Variants in LUZP2 observed in about 807,000 individuals in gnomAD.
LUZP2 encodes the protein leucine zipper protein 2.
Under a neutral mutation model 51.6 loss-of-function variants are expected in LUZP2, and 52 were observed. That is an observed-to-expected ratio of 1.01 (90% CI 0.81 to 1.27). LUZP2 has a LOEUF of 1.27. LUZP2 is among the 50% of genes most tolerant of loss of function. The probability of loss-of-function intolerance (pLI) is 0.00; values close to 1 mark genes in which losing one functional copy is unlikely to be tolerated. For missense variants in LUZP2, 436 were observed against 395.4 expected (o/e 1.10, Z -0.87); for synonymous variants, 154 against 137.3 (o/e 1.12, Z -0.85).
chr11:24,798,588 A>C (rs1400928976), intron 5 of LUZP2, among the ~76,000 whole-genome samples: 1 of 152,148 alleles, frequency 6.6e-6, no homozygotes, highest in Non-Finnish European at 1.5e-5. Context: ...TGCAATACCA[A>C]ATCAGAGCAC....
chr11:25,046,610 A>G (rs1198211931), intron 9 of LUZP2, among the ~76,000 whole-genome samples: 1 of 152,120 alleles, frequency 6.6e-6, no homozygotes, highest in Non-Finnish European at 1.5e-5. Flanking sequence ...AACACACACT[A>G]TCTTCCTTTA....
intron 5 of LUZP2, among the ~76,000 whole-genome samples, chr11:24,864,364 T>C (rs1851825242): frequency 6.6e-6 from 1 of 152,314 alleles, no homozygotes; most frequent in African/African-American, 2.4e-5. Flanking sequence ...GGATTTTTTG[T>C]GCCTTTATAA....
At chr11:24,803,318 G>A (rs575698678) in intron 5 of LUZP2, among the ~76,000 whole-genome samples, 161 of 151,970 alleles carry the variant, frequency 1.1e-3, no homozygotes, top group African/African-American at 3.3e-3. Flanking sequence ...TACTTCATAC[G>A]TCTTAGCCAT....
intron 1 of LUZP2, among the ~76,000 whole-genome samples, chr11:24,617,778 A>T (rs1425587649): frequency 1.3e-5 from 2 of 152,044 alleles, no homozygotes; most frequent in Non-Finnish European, 2.9e-5. Context: ...GTGAGCAGAG[A>T]TTGCACCACT....
chr11:24,835,618 G>A (rs1401394003), intron 5 of LUZP2, among the ~76,000 whole-genome samples: 2 of 152,150 alleles, frequency 1.3e-5, no homozygotes, highest in African/African-American at 2.4e-5. Flanking sequence ...GGATTAGAGA[G>A]GAAAAATGGC....
chr11:24,691,476 G>GTTT (rs5790429), intron 1 of LUZP2, among the ~76,000 whole-genome samples: 2 of 136,568 alleles, frequency 1.5e-5, no homozygotes, highest in African/African-American at 2.7e-5. Flanking sequence ...CTCATATTCT[G>GTTT]TTTTTTTTTT....
intron 1 of LUZP2, among the ~76,000 whole-genome samples, chr11:24,581,189 T>A (rs1852839513): frequency 1.4e-5 from 2 of 140,524 alleles, no homozygotes; most frequent in Admixed American, 7.2e-5. Context: ...GTATACCCTT[T>A]CACTGGCCAA....
At chr11:24,524,268 G>A (rs1850727609) in intron 1 of LUZP2, among the ~76,000 whole-genome samples, 2 of 151,684 alleles carry the variant, frequency 1.3e-5, no homozygotes, top group African/African-American at 4.8e-5. Flanking sequence ...TCAACTGCTA[G>A]TCTCTTGCAC....
intron 1 of LUZP2, among the ~76,000 whole-genome samples, chr11:24,533,218 T>A (rs1851067666): frequency 6.6e-6 from 1 of 151,320 alleles, no homozygotes; most frequent in African/African-American, 2.4e-5. Flanking sequence ...CTTTGCCAGG[T>A]TGTTAATTGT....
intron 1 of LUZP2, among the ~76,000 whole-genome samples, chr11:24,698,826 C>T (rs2133904214): frequency 1.3e-5 from 2 of 152,128 alleles, no homozygotes; most frequent in East Asian, 3.9e-4. Flanking sequence ...AAGGCTGAGG[C>T]AGGTGAATTA....
chr11:24,574,769 C>G (rs1486852700), intron 1 of LUZP2, among the ~76,000 whole-genome samples: 1 of 152,054 alleles, frequency 6.6e-6, no homozygotes, highest in Non-Finnish European at 1.5e-5. Context: ...TTTTGTCTTT[C>G]TTGATCACTG....
chr11:24,857,444 G>C (rs1590647995), intron 5 of LUZP2, among the ~76,000 whole-genome samples: 1 of 151,154 alleles, frequency 6.6e-6, no homozygotes, highest in South Asian at 2.1e-4. Flanking sequence ...ACATTAATTT[G>C]CTATTTAATT....
rs113356779 is a variant in LUZP2, at chr11:24,623,636, G to T, written c.63-105533G>T. On this transcript the variant is annotated intron_variant, in intron 1 of 11. Transcript: ENST00000336930. ...CAAGGCAGGCAGATTACCTAAAGTC[G>T]GGAGTTGGAGACCAGCCTGGCCAAC... is the stretch of plus-strand genomic sequence containing the variant. Among the ~76,000 whole-genome samples the T allele has an allele frequency of 8.6e-5, 13 of 152,012 alleles. No homozygotes were observed. In the South Asian group the frequency reaches 2.7e-3, roughly 32 times the overall value.
intron 5 of LUZP2, among the ~76,000 whole-genome samples, chr11:24,797,411 G>A (rs1849577506): frequency 6.6e-6 from 1 of 152,104 alleles, no homozygotes; most frequent in Admixed American, 6.6e-5. Flanking sequence ...GTATGAATTT[G>A]CTTTTATGTC....
At chr11:24,933,292 A>G (rs1222478339) in intron 7 of LUZP2, among the ~76,000 whole-genome samples, 1 of 152,082 alleles carries the variant, frequency 6.6e-6, no homozygotes, top group South Asian at 2.1e-4. Context: ...GAGTCTCCAT[A>G]TGTAGCTCTG....
At chr11:24,707,419 A>C (rs1168854108) in intron 1 of LUZP2, among the ~76,000 whole-genome samples, 1 of 152,108 alleles carries the variant, frequency 6.6e-6, no homozygotes. Flanking sequence ...AAAGCTTAAC[A>C]GTTGTCAAAT....
chr11:24,794,773 T>G (rs2134102418), intron 5 of LUZP2, among the ~76,000 whole-genome samples: 1 of 152,196 alleles, frequency 6.6e-6, no homozygotes, highest in South Asian at 2.1e-4. Context: ...AAGACTGAAA[T>G]GAAGTGTGGT....
At chr11:24,768,315 G>A (rs924656676) in intron 5 of LUZP2, among the ~76,000 whole-genome samples, 1 of 151,988 alleles carries the variant, frequency 6.6e-6, no homozygotes, top group African/African-American at 2.4e-5. Context: ...TTGTCATGTT[G>A]GCCAGGCTGG....
intron 6 of LUZP2, among the ~76,000 whole-genome samples, chr11:24,907,220 G>C (rs926644070): frequency 6.7e-6 from 1 of 149,804 alleles, no homozygotes; most frequent in African/African-American, 2.5e-5. Context: ...CAGTGGTCCT[G>C]TGTCCAGCCC....
Sources: gnomAD v4.1 joint callset for allele counts (sites outside exome capture counted in the v4.1 genomes callset) on GRCh38, gnomAD v4.1.1 for gene constraint, MANE v1.5 for transcripts, NCBI Gene and HGNC (gene_info 2026-07-23, HGNC 2026-07-21) for gene names.